CHD7: variants seen among roughly 807,000 people sequenced by gnomAD.
CHD7 encodes ATP-dependent chromatin remodeler CHD7.
In CHD7, 24 loss-of-function variants were observed where a neutral mutation model predicts 307.3. The observed-to-expected ratio is 0.08, with a 90% confidence interval of 0.06 to 0.11. CHD7 has a LOEUF of 0.11. Ranked by LOEUF, CHD7 falls within the 10% of genes least tolerant of loss-of-function variation. The pLI is 1.00. For missense variants in CHD7, 3,106 were observed against 3,727.1 expected (o/e 0.83, Z 4.34); for synonymous variants, 1,363 against 1,349.9 (o/e 1.01, Z -0.21).
At chr8:60,730,891 T>A (rs2150561318) in intron 1 of CHD7, among the ~76,000 whole-genome samples, 1 of 151,946 alleles carries the variant, frequency 6.6e-6, no homozygotes, top group African/African-American at 2.4e-5. Context: ...AAATGGAAAA[T>A]TCCAGAAATA....
In CHD7 at chr8:60,780,989, G is replaced by T; in HGVS notation, c.1666-11G>T. On this transcript the variant is annotated splice_polypyrimidine_tract_variant and intron_variant, in intron 2 of 37. Coordinates refer to ENST00000423902, the MANE Select transcript of CHD7 (RefSeq NM_017780.4). The stretch of plus-strand genomic sequence containing the variant: ...GATAAACTAATTTCAATTCCTATTT[G>T]TGTCTCTCAGCATTCCCCGTCGGAG... The T allele has an allele frequency of 6.6e-7, 1 of 1,525,800 alleles. No homozygotes were observed. The highest frequency in any genetic ancestry group is 8.8e-7 in the Non-Finnish European group (1 of 1,142,356). The allele number at this position is 1,525,800 out of a possible 1,614,324, so 94.5% of individuals were successfully genotyped here.
intron 2 of CHD7, among the ~76,000 whole-genome samples, chr8:60,773,320 A>G (rs954121616): frequency 3.3e-5 from 5 of 152,232 alleles, no homozygotes; most frequent in Non-Finnish European, 5.9e-5. Context: ...CTTCAGGGAT[A>G]GGAGATGTAA....
chr8:60,694,709 C>T (rs1806374638), intron 1 of CHD7, among the ~76,000 whole-genome samples: 1 of 152,200 alleles, frequency 6.6e-6, no homozygotes. Flanking sequence ...AACACAGCCA[C>T]TGCCACCCCC....
At chr8:60,777,155 G>T (rs565528545) in intron 2 of CHD7, among the ~76,000 whole-genome samples, 3 of 152,106 alleles carry the variant, frequency 2.0e-5, no homozygotes, top group Non-Finnish European at 2.9e-5. Context: ...ATTCTGGTCC[G>T]CTTGGTACCA....
intron 6 of CHD7, among the ~76,000 whole-genome samples, chr8:60,804,307 T>C (rs572591939): frequency 1.4e-4 from 21 of 152,360 alleles, no homozygotes; most frequent in African/African-American, 5.0e-4. Context: ...GTTTCTGCTT[T>C]GAGCCATTCA....
chr8:60,758,742 T>C (rs1190802611), intron 2 of CHD7, among the ~76,000 whole-genome samples: 1 of 152,332 alleles, frequency 6.6e-6, no homozygotes, highest in South Asian at 2.1e-4. Flanking sequence ...CTCTAGGCAG[T>C]TGCGCGAGCG....
At chr8:60,790,097 G>C (rs1239465227) in intron 3 of CHD7, among the ~76,000 whole-genome samples, 6 of 152,206 alleles carry the variant, frequency 3.9e-5, no homozygotes, top group African/African-American at 1.4e-4. Flanking sequence ...TGGCCCTTCA[G>C]ACCTCCAGCA....
intron 1 of CHD7, among the ~76,000 whole-genome samples, chr8:60,709,444 A>G (rs145501945): frequency 1.1e-3 from 172 of 152,348 alleles, no homozygotes; most frequent in African/African-American, 3.9e-3. Flanking sequence ...TTTTGGTTGA[A>G]TTGAAAATTA....
chr8:60,846,508 A>G (rs1196402683), intron 23 of CHD7, among the ~76,000 whole-genome samples: 1 of 152,226 alleles, frequency 6.6e-6, no homozygotes, highest in Non-Finnish European at 1.5e-5. Flanking sequence ...AGTTCAGGCA[A>G]CAATGCTACT....
At chr8:60,707,171 T>C (rs1302451036) in intron 1 of CHD7, among the ~76,000 whole-genome samples, 1 of 152,194 alleles carries the variant, frequency 6.6e-6, no homozygotes, top group Non-Finnish European at 1.5e-5. Context: ...CTGATAAATA[T>C]TAGTAAGAAA....
chr8:60,717,908 A>G (rs1360844325), intron 1 of CHD7, among the ~76,000 whole-genome samples: 2 of 152,170 alleles, frequency 1.3e-5, no homozygotes, highest in Non-Finnish European at 2.9e-5. Context: ...TGGTTCTTGT[A>G]TTTGCTATAC....
At chr8:60,696,517 A>G (rs1806478876) in intron 1 of CHD7, among the ~76,000 whole-genome samples, 1 of 152,202 alleles carries the variant, frequency 6.6e-6, no homozygotes, top group Admixed American at 6.5e-5. Context: ...ACTAGTTCAC[A>G]GGCTTATGTG....
chr8:60,787,829 CTTTTT>C (rs33993174), intron 3 of CHD7, among the ~76,000 whole-genome samples: 2 of 108,810 alleles, frequency 1.8e-5, no homozygotes. Context: ...GATTTTCTTT[CTTTTT>C]TTTTTTTTTT....
Position 60,856,765 on chromosome 8 carries a change from G to T in CHD7, c.7485G>T (p.Arg2495Ser), listed in dbSNP as rs547209998. The T allele has an allele frequency of 1.2e-4, 199 of 1,613,980 alleles. 1 individual carries two copies. In the South Asian group the frequency reaches 2.0e-3, roughly 16 times the overall value. ...LQAGLSRTPT[R>S]HLLNGSLVDG... is the part of the protein sequence containing the mutation. ...CAGGCCTTTCGCGCACACCCACAAGGCATCTCCTTAATGGCTCCCTAGTGG... is the reference window on the plus strand; with the variant it reads ...CAGGCCTTTCGCGCACACCCACAAGTCATCTCCTTAATGGCTCCCTAGTGG... Residue 2495 changes from arginine to serine, a missense_variant, in exon 34 of 38, where the codon AGG (arginine) becomes AGT (serine). Physicochemically the swap from Arg to Ser is moderately radical, Grantham distance 110. Coordinates refer to ENST00000423902, the MANE Select transcript of CHD7 (RefSeq NM_017780.4).
chr8:60,811,495 A>G (rs577210799), intron 7 of CHD7, among the ~76,000 whole-genome samples: 2 of 152,260 alleles, frequency 1.3e-5, no homozygotes, highest in East Asian at 3.9e-4. Context: ...ACATCTGTTC[A>G]TAGGGGTCCT....
intron 25 of CHD7, 130 bp from the exon 26 acceptor site, chr8:60,850,363 C>A: frequency 8.6e-7 from 1 of 1,163,370 alleles, no homozygotes; most frequent in Non-Finnish European, 1.2e-6. Flanking sequence ...ACAAGGTCCA[C>A]TTGGATTCAA....
intron 1 of CHD7, among the ~76,000 whole-genome samples, chr8:60,691,176 C>T (rs978018294): frequency 6.6e-6 from 1 of 152,212 alleles, no homozygotes; most frequent in Non-Finnish European, 1.5e-5. Context: ...TCCACCTCGG[C>T]CTCCCACAGT....
At chr8:60,806,372 G>A (rs543306976) in intron 6 of CHD7, among the ~76,000 whole-genome samples, 1 of 152,064 alleles carries the variant, frequency 6.6e-6, no homozygotes, top group East Asian at 1.9e-4. Context: ...CAAAAAAAAA[G>A]GGAGTAGAAT....
At chr8:60,701,004 G>A (rs765050256) in intron 1 of CHD7, among the ~76,000 whole-genome samples, 3 of 152,154 alleles carry the variant, frequency 2.0e-5, no homozygotes, top group African/African-American at 7.2e-5. Flanking sequence ...TTGTGATAAC[G>A]TTATGTTTGA....
Sources: gnomAD v4.1 joint callset for allele counts (sites outside exome capture counted in the v4.1 genomes callset) on GRCh38, gnomAD v4.1.1 for gene constraint, MANE v1.5 for transcripts, NCBI Gene and HGNC (gene_info 2026-07-23, HGNC 2026-07-21) for gene names.